The following CACNA2D3 variants were observed in gnomAD, a reference collection of about 807,000 sequenced individuals.
CACNA2D3 encodes the protein calcium voltage-gated channel auxiliary subunit alpha2delta 3.
Under a neutral mutation model 160.6 loss-of-function variants are expected in CACNA2D3, and 60 were observed. The observed-to-expected ratio is 0.37, with a 90% CI of 0.30 to 0.46. The LOEUF (loss-of-function observed/expected upper bound fraction) is 0.46. Among genes scored for constraint, CACNA2D3 ranks in the 20% least tolerant of loss-of-function variants. The pLI is 1.00. For synonymous variants in CACNA2D3, 558 were observed against 492.9 expected (o/e 1.13, Z -1.75); for missense variants, 1,205 against 1,365.0 (o/e 0.88, Z 1.85).
chr3:54,338,553 A>G (rs1256376298), intron 3 of CACNA2D3, among the ~76,000 whole-genome samples: 12 of 150,638 alleles, frequency 8.0e-5, no homozygotes, highest in African/African-American at 2.9e-4. Context: ...GATGAGCCAG[A>G]GAATGACACC....
chr3:54,273,670 G>A (rs1246887252), intron 2 of CACNA2D3, among the ~76,000 whole-genome samples: 1 of 152,126 alleles, frequency 6.6e-6, no homozygotes, highest in Non-Finnish European at 1.5e-5. Flanking sequence ...CAAACACAAG[G>A]TCCAGATGAC....
At chr3:54,149,934 TCCCTCC>T (rs1700114166) in intron 2 of CACNA2D3, among the ~76,000 whole-genome samples, 1 of 45,064 alleles carries the variant, frequency 2.2e-5, no homozygotes, top group African/African-American at 9.8e-5. Context: ...TCTCTCTCCC[TCCCTCC>T]CTCCCTCCCT....
At chr3:54,275,010 A>G (rs570056431) in intron 2 of CACNA2D3, among the ~76,000 whole-genome samples, 87 of 152,362 alleles carry the variant, frequency 5.7e-4, no homozygotes, top group Non-Finnish European at 8.7e-4. Context: ...AGGCATAAAG[A>G]CCAGGAGGCA....
chr3:54,865,630 G>A (rs1035465279), intron 17 of CACNA2D3, among the ~76,000 whole-genome samples: 3 of 152,210 alleles, frequency 2.0e-5, no homozygotes, highest in Admixed American at 6.5e-5. Flanking sequence ...AAGTCAGGTC[G>A]AACAATCTCC....
At chr3:54,803,862 A>G (rs1703052507) in intron 13 of CACNA2D3, among the ~76,000 whole-genome samples, 2 of 152,250 alleles carry the variant, frequency 1.3e-5, no homozygotes, top group Non-Finnish European at 1.5e-5. Context: ...ATCTCTCGGC[A>G]GAAACTCCAC....
intron 14 of CACNA2D3, among the ~76,000 whole-genome samples, chr3:54,831,669 T>C (rs1419984849): frequency 6.6e-6 from 1 of 152,240 alleles, no homozygotes. Flanking sequence ...GGGAAAGATA[T>C]GCAACCATCC....
intron 33 of CACNA2D3, among the ~76,000 whole-genome samples, chr3:55,008,885 C>G (rs1703150883): frequency 1.8e-5 from 1 of 55,132 alleles, no homozygotes; most frequent in Admixed American, 2.1e-4. Context: ...CCACCTCCCT[C>G]TATACACACA....
At chr3:54,473,015 A>G (rs1378611885) in intron 4 of CACNA2D3, among the ~76,000 whole-genome samples, 1 of 152,234 alleles carries the variant, frequency 6.6e-6, no homozygotes, top group Non-Finnish European at 1.5e-5. Context: ...CTTTTTTCCT[A>G]GAATTAGAAA....
At chr3:54,350,968 G>GTTTTCTTT (rs1698543203) in intron 3 of CACNA2D3, among the ~76,000 whole-genome samples, 1 of 56,106 alleles carries the variant, frequency 1.8e-5, no homozygotes, top group African/African-American at 6.4e-5. Context: ...TCTTGAGTCT[G>GTTTTCTTT]TTTTTTTTTT....
chr3:54,595,199 A>G (rs539359787), intron 9 of CACNA2D3, among the ~76,000 whole-genome samples: 15 of 152,288 alleles, frequency 9.8e-5, no homozygotes, highest in Admixed American at 2.6e-4. Flanking sequence ...GAAGACTAAT[A>G]CAATAGTTAG....
intron 32 of CACNA2D3, among the ~76,000 whole-genome samples, chr3:55,006,321 C>T (rs995443257): frequency 5.3e-5 from 8 of 152,140 alleles, no homozygotes; most frequent in African/African-American, 1.4e-4. Context: ...GGCCTCAGAG[C>T]GAGCTGCCCC....
intron 9 of CACNA2D3, among the ~76,000 whole-genome samples, chr3:54,622,590 T>G (rs1699013354): frequency 6.6e-6 from 1 of 152,036 alleles, no homozygotes; most frequent in Non-Finnish European, 1.5e-5. Context: ...TTGGTTTTTT[T>G]TTTTTTTAAA....
At chr3:54,368,437 C>A (rs9872905) in intron 3 of CACNA2D3, among the ~76,000 whole-genome samples, 2 of 151,868 alleles carry the variant, frequency 1.3e-5, no homozygotes, top group East Asian at 3.9e-4. Flanking sequence ...GGTTGAACTT[C>A]TGAGGGAGAG....
In CACNA2D3 at chr3:54,896,850, A is replaced by G; in HGVS notation, c.2348A>G (p.Tyr783Cys). 6.2e-7 allele frequency: 1 copy of G among 1,613,926 alleles called. No individual in the cohort carries two copies. The highest frequency in any genetic ancestry group is 8.5e-7 in the Non-Finnish European group (1 of 1,179,856). ...GAGCAGATTCCAGGGAGCTTCGTCT[A>G]CTCGATCCCATTCAGCACTGGTGGG... ...AAEQIPGSFVYSIPFSTGPVN... is the reference protein window; with the variant it reads ...AAEQIPGSFVCSIPFSTGPVN... The change falls in exon 26 of 38, where the codon TAC becomes TGC. Residue 783 changes from tyrosine to cysteine, a missense_variant. Physicochemically the swap from Tyr to Cys is radical, Grantham distance 194. Transcript: ENST00000474759.
intron 35 of CACNA2D3, among the ~76,000 whole-genome samples, chr3:55,026,102 G>A (rs529179357): frequency 2.0e-5 from 3 of 152,000 alleles, no homozygotes; most frequent in Non-Finnish European, 4.4e-5. Flanking sequence ...CAGAAGCACC[G>A]ACCCCCACAC....
At chr3:54,720,675 G>A (rs956165509) in intron 11 of CACNA2D3, among the ~76,000 whole-genome samples, 6 of 151,988 alleles carry the variant, frequency 3.9e-5, no homozygotes, top group Non-Finnish European at 8.8e-5. Context: ...TATTCTATCA[G>A]TTGGAATTCC....
At position 54,359,168 on chromosome 3, in the gene CACNA2D3, G is replaced by A. The variant is rs76217228; in HGVS notation, c.322-27547G>A. On this transcript the variant is annotated intron_variant, in intron 3 of 37. Coordinates refer to ENST00000474759, the MANE Select transcript of CACNA2D3 (RefSeq NM_018398.3). ...AGGGTCTGTCCTCAAAATAGGTCTA[G>A]GCAAGCTCCCAAGTTCAAGTGGGAA... Among the ~76,000 whole-genome samples, 82 of 152,260 alleles carry A rather than the reference G, an allele frequency of 5.4e-4. 4 individuals are homozygous for A. In the East Asian group the frequency reaches 0.015, roughly 29 times the overall value.
chr3:54,254,086 T>G (rs1482453360), intron 2 of CACNA2D3, among the ~76,000 whole-genome samples: 1 of 152,132 alleles, frequency 6.6e-6, no homozygotes, highest in African/African-American at 2.4e-5. Context: ...TTTCTTACAG[T>G]GAGCGGCTGG....
chr3:54,771,618 G>A (rs576277887), intron 13 of CACNA2D3, among the ~76,000 whole-genome samples: 2 of 152,330 alleles, frequency 1.3e-5, no homozygotes, highest in South Asian at 4.1e-4. Flanking sequence ...GTCACACAAT[G>A]CTGTTTGTTT....
Sources: gnomAD v4.1 joint callset for allele counts (sites outside exome capture counted in the v4.1 genomes callset) on GRCh38, gnomAD v4.1.1 for gene constraint, MANE v1.5 for transcripts, NCBI Gene and HGNC (gene_info 2026-07-23, HGNC 2026-07-21) for gene names.